Variants in SPATA13 observed in about 807,000 individuals in gnomAD.
SPATA13 encodes the protein spermatogenesis associated 13, also known as spermatogenesis-associated protein 13.
SPATA13 carries 50 observed loss-of-function variants against 104.0 expected under a neutral mutation model. That is an observed-to-expected ratio of 0.48 (90% CI 0.38 to 0.61). The LOEUF is 0.61. SPATA13 is among the 20% of genes least tolerant of loss of function. The probability of loss-of-function intolerance (pLI) is 0.00; values close to 1 mark genes in which losing one functional copy is unlikely to be tolerated. For missense variants in SPATA13, 1,524 were observed against 1,690.6 expected, an observed-to-expected ratio of 0.90 and a Z score of 1.73; for synonymous variants, 606 against 667.5, an observed-to-expected ratio of 0.91 and a Z score of 1.42.
intron 3 of SPATA13, among the ~76,000 whole-genome samples, chr13:24,135,423 T>A (rs987469370): frequency 1.3e-5 from 2 of 151,888 alleles, no homozygotes; most frequent in Non-Finnish European, 2.9e-5. Flanking sequence ...TAGGTCCAGG[T>A]GCAGTGGCTC....
At chr13:24,004,695 G>C (rs1399897548) in intron 2 of SPATA13, among the ~76,000 whole-genome samples, 1 of 152,132 alleles carries the variant, frequency 6.6e-6, no homozygotes, top group African/African-American at 2.4e-5. Context: ...TACACACAGG[G>C]CTGAAAATTT....
At chr13:24,217,943 A>G (rs1871348495) in intron 1 of SPATA13, among the ~76,000 whole-genome samples, 1 of 152,250 alleles carries the variant, frequency 6.6e-6, no homozygotes, top group Admixed American at 6.5e-5. Context: ...TTTGTCAGGA[A>G]TCTGGGAATT....
intron 4 of SPATA13, among the ~76,000 whole-genome samples, chr13:24,277,334 C>T (rs1487347842): frequency 6.6e-6 from 1 of 151,442 alleles, no homozygotes; most frequent in African/African-American, 2.4e-5. Context: ...GTCCCAGCTA[C>T]TCGGGAGGCT....
chr13:23,983,433 T>G (rs1210757388), intron 1 of SPATA13, among the ~76,000 whole-genome samples: 1 of 152,176 alleles, frequency 6.6e-6, no homozygotes, highest in Non-Finnish European at 1.5e-5. Context: ...ACAGTCCCAT[T>G]CTGAGGTACT....
In SPATA13 at chr13:24,205,602, C is replaced by T. The variant is rs113912894; in HGVS notation, c.-111-17217C>T. Among the ~76,000 whole-genome samples the T allele has an allele frequency of 2.0e-3, 304 of 152,208 alleles. 1 individual carries two copies. The highest frequency in any genetic ancestry group is 7.1e-3 in the African/African-American group (297 of 41,544). On this transcript the variant is annotated intron_variant, in intron 1 of 12. Transcript: ENST00000382108. The surrounding 1 kb of genome is among the most constrained non-coding windows in gnomAD (Gnocchi z 4.1). ...AAAACTATTTTAAAATTCATGTGGA[C>T]CAAAAAAGAGCCTGAATAGTGAAGA...
At chr13:24,176,792 A>AT (rs1320539110) in intron 1 of SPATA13, among the ~76,000 whole-genome samples, 1 of 151,664 alleles carries the variant, frequency 6.6e-6, no homozygotes, top group Non-Finnish European at 1.5e-5. Flanking sequence ...GTAGTATATA[A>AT]TTTTTTTTTC....
intron 2 of SPATA13, among the ~76,000 whole-genome samples, chr13:24,228,027 C>CCCGATTA (rs1485490799): frequency 6.6e-6 from 1 of 152,104 alleles, no homozygotes; most frequent in Non-Finnish European, 1.5e-5. Flanking sequence ...GCCTCAGCCT[C>CCCGATTA]CCGATTAGCT....
intron 3 of SPATA13, among the ~76,000 whole-genome samples, chr13:24,092,804 G>C (rs1879949974): frequency 6.6e-6 from 1 of 152,208 alleles, no homozygotes; most frequent in Non-Finnish European, 1.5e-5. Context: ...TTGGGCATCT[G>C]TATGTGGAGC....
intron 1 of SPATA13, among the ~76,000 whole-genome samples, chr13:23,981,319 T>C (rs561238545): frequency 3.4e-4 from 52 of 152,360 alleles, no homozygotes; most frequent in African/African-American, 1.1e-3. Flanking sequence ...AGAGCAGTTT[T>C]TTTGTAGCTA....
In SPATA13 at chr13:24,303,013, A is replaced by G. The variant is rs9580929; in HGVS notation, c.*240A>G. The G allele has an allele frequency of 0.36, 201,068 of 554,466 alleles. 38,113 individuals carry two copies. Among genetic ancestry groups the G allele is most frequent in the East Asian group, 0.56 (17,300 of 31,054 alleles). 34.3% of individuals were successfully genotyped at this position (554,466 alleles called of 1,614,324 possible). The stretch of plus-strand genomic sequence containing the variant: ...TCCTACACAGAAACACCCGTGACCC[A>G]CTATGAGATGGCCCAGATGTGGGAC... On this transcript the variant is annotated 3_prime_UTR_variant, in exon 13 of 13. Transcript: ENST00000382108.
chr13:24,278,470 G>C (rs1030979410), intron 4 of SPATA13: 2 of 428,916 alleles, frequency 4.7e-6, no homozygotes, highest in African/African-American at 4.2e-5. Context: ...ATAGAGATGG[G>C]TCTTATTATG....
At chr13:24,118,079 CA>C (rs1880910047) in intron 3 of SPATA13, among the ~76,000 whole-genome samples, 1 of 152,060 alleles carries the variant, frequency 6.6e-6, no homozygotes, top group Non-Finnish European at 1.5e-5. Flanking sequence ...ATTGGTTGAT[CA>C]AAACTCTAAA....
rs977955094 is a variant in SPATA13, at chr13:24,088,812, G to A, written c.-112+71111G>A. On this transcript the variant is annotated intron_variant, in intron 3 of 14. Transcript: ENST00000424834. This position sits in a 1 kb window ranked among gnomAD's most constrained non-coding sequence, Gnocchi z 4.3. ...AATTAACACCAAAGGCCAGAAATGT[G>A]TGACCCCAGCTTCCGTCAGTGCTGG... 1.3e-5 allele frequency among the ~76,000 whole-genome samples: 2 copies of A among 152,136 alleles called. No individual in the cohort carries two copies. The highest frequency in any genetic ancestry group is 4.8e-5 in the African/African-American group (2 of 41,428).
At chr13:24,148,296 A>G (rs559129320) in intron 3 of SPATA13, among the ~76,000 whole-genome samples, 32 of 152,298 alleles carry the variant, frequency 2.1e-4, no homozygotes, top group African/African-American at 7.7e-4. Flanking sequence ...AAGGGGTCTC[A>G]GTCCTACTTT....
chr13:24,289,574 A>T (rs191900366), intron 8 of SPATA13, among the ~76,000 whole-genome samples: 5 of 152,262 alleles, frequency 3.3e-5, no homozygotes, highest in South Asian at 2.1e-4. Context: ...TATGAGGTAG[A>T]TATGATTATC....
At chr13:24,035,239 C>T (rs1877634229) in intron 3 of SPATA13, among the ~76,000 whole-genome samples, 1 of 152,236 alleles carries the variant, frequency 6.6e-6, no homozygotes. Context: ...ATTGCTACCT[C>T]CACCTCCCAC....
At chr13:23,986,584 T>G (rs1036282518) in intron 2 of SPATA13, among the ~76,000 whole-genome samples, 10 of 152,250 alleles carry the variant, frequency 6.6e-5, no homozygotes, top group African/African-American at 2.4e-4. Flanking sequence ...GCTGCAAGGA[T>G]GATGGTATCT....
chr13:24,188,400 C>G lies in SPATA13; in HGVS notation c.-112+27468C>G, dbSNP rs997444883. ...ACAAATATTAAGAAAGTGAAACAGCCTTATCGCTGATATTGAGAAAGTTTT... is the reference window on the plus strand; with the variant it reads ...ACAAATATTAAGAAAGTGAAACAGCGTTATCGCTGATATTGAGAAAGTTTT... On this transcript the variant is annotated intron_variant, in intron 1 of 12. Transcript: ENST00000382108. Among the ~76,000 whole-genome samples, 8 of 152,116 alleles carry G rather than the reference C, an allele frequency of 5.3e-5. 1 individual carries two copies. Among genetic ancestry groups the G allele is most frequent in the Admixed American group, 5.2e-4 (8 of 15,280 alleles).
chr13:24,249,697 G>A lies in SPATA13; in HGVS notation c.1874G>A (p.Ser625Asn). ...EDRVDEDPQASMTSASPEDQN... is the reference protein window; with the variant it reads ...EDRVDEDPQANMTSASPEDQN... ...CGTGTGGACGAGGACCCCCAGGCAA[G>A]CATGACTTCTGCCAGCCCTGAAGAC... The change falls in exon 3 of 13, where the codon AGC (serine) becomes AAC (asparagine). Residue 625 changes from serine to asparagine, a missense_variant. Physicochemically the swap from Ser to Asn is conservative, Grantham distance 46. This residue lies in a region of SPATA13 where 1,089 missense variants were observed against 1,135.9 expected (regional missense o/e 0.96). Transcript: ENST00000382108. 6.2e-7 allele frequency: 1 copy of A among 1,613,616 alleles called. No individual in the cohort carries two copies. Among genetic ancestry groups the A allele is most frequent in the South Asian group, 1.1e-5 (1 of 91,074 alleles).
Sources: gnomAD v4.1 joint callset for allele counts (sites outside exome capture counted in the v4.1 genomes callset) on GRCh38, gnomAD v4.1.1 for gene constraint, gnomAD v4.1.1 regional missense constraint, Gnocchi (gnomAD v3.1) non-coding constraint, MANE v1.5 for transcripts, NCBI Gene and HGNC (gene_info 2026-07-23, HGNC 2026-07-21) for gene names.